The following TLR2 variants were observed in gnomAD, a reference collection of about 807,000 sequenced individuals.
The protein encoded by TLR2 is toll-like receptor 2.
Under a neutral mutation model 9.1 loss-of-function variants are expected in TLR2, and 7 were observed. That is an observed-to-expected ratio of 0.77 (90% CI 0.44 to 1.44). TLR2 has a LOEUF of 1.44. TLR2 is among the 40% of genes most tolerant of loss of function. The pLI is 0.01. For synonymous variants in TLR2, 317 were observed against 344.6 expected (o/e 0.92, Z 0.89); for missense variants, 812 against 904.6 (o/e 0.90, Z 1.31).
intron 2 of TLR2, among the ~76,000 whole-genome samples, chr4:153,691,980 T>C (rs1736153453): frequency 6.6e-6 from 1 of 152,236 alleles, no homozygotes; most frequent in South Asian, 2.1e-4. Context: ...ATTATCCATA[T>C]AATGAATAAT....
At chr4:153,689,041 T>C (rs1310824750) in intron 2 of TLR2, among the ~76,000 whole-genome samples, 1 of 152,238 alleles carries the variant, frequency 6.6e-6, no homozygotes, top group Non-Finnish European at 1.5e-5. Flanking sequence ...AGTGTCTTTA[T>C]CTATTTTAAT....
chr4:153,689,221 G>T (rs943171231), intron 2 of TLR2, among the ~76,000 whole-genome samples: 1 of 152,056 alleles, frequency 6.6e-6, no homozygotes, highest in African/African-American at 2.4e-5. Flanking sequence ...CCTGAATTTG[G>T]TCTTATTTAA....
downstream of TLR2, among the ~76,000 whole-genome samples, chr4:153,706,814 A>G (rs918359989): frequency 6.6e-6 from 1 of 152,204 alleles, no homozygotes; most frequent in Non-Finnish European, 1.5e-5. Context: ...ACATGACCCA[A>G]AAAGTTTTTC....
intron 2 of TLR2, among the ~76,000 whole-genome samples, chr4:153,689,752 G>A (rs775019382): frequency 6.6e-6 from 1 of 152,200 alleles, no homozygotes; most frequent in Non-Finnish European, 1.5e-5. Context: ...CTTGTTGAAG[G>A]AATACTAATG....
chr4:153,703,236 A>G lies in TLR2; in HGVS notation c.329A>G (p.Asn110Ser). Reference protein sequence around the residue: ...GSLEHLDLSYNYLSNLSSSWF... With the variant: ...GSLEHLDLSYSYLSNLSSSWF... ...CTTGAACATTTAGACTTATCCTATA[A>G]TTACTTATCTAATTTATCGTCTTCC... Residue 110 changes from asparagine (N) to serine (S), a missense_variant, in exon 3 of 3, where the codon AAT (asparagine) becomes AGT (serine). By Grantham distance (46) the Asn-to-Ser change is conservative. Transcript: ENST00000642700. The G allele has an allele frequency of 6.2e-7, 1 of 1,614,020 alleles. No individual in the cohort carries two copies. Among genetic ancestry groups the G allele is most frequent in the Non-Finnish European group, 8.5e-7 (1 of 1,179,974 alleles).
intron 2 of TLR2, chr4:153,688,621 G>A (rs892303805): frequency 6.5e-6 from 1 of 153,468 alleles, no homozygotes; most frequent in Admixed American, 6.4e-5. Context: ...AAAGGGATAG[G>A]CTCTGGCTAG....
chr4:153,702,636 T>C, intron 2 of TLR2: 1 of 372,740 alleles, frequency 2.7e-6, no homozygotes, highest in Non-Finnish European at 4.8e-6. Context: ...TAATTCCGGA[T>C]GGTTGTGCTT....
downstream of TLR2, chr4:153,710,157 C>A: frequency 2.3e-6 from 1 of 440,152 alleles, no homozygotes; most frequent in South Asian, 3.5e-5. Context: ...TAAGAAACAG[C>A]TGTAATGGGA....
Position 153,704,964 on chromosome 4 carries a change from T to C in TLR2, c.2057T>C (p.Ile686Thr). The C allele has an allele frequency of 6.2e-7, 1 of 1,613,012 alleles. No individual in the cohort carries two copies. The highest frequency in any genetic ancestry group is 8.5e-7 in the Non-Finnish European group (1 of 1,180,024). ...KRDFIPGKWI[I>T]DNIIDSIEKS... is the part of the protein sequence containing the mutation. ...GACTTCATTCCTGGCAAGTGGATCA[T>C]TGACAATATCATTGACTCCATTGAA... The change falls in exon 3 of 3, where the codon ATT (isoleucine) becomes ACT (threonine). Residue 686 changes from isoleucine to threonine, a missense_variant. By Grantham distance (89) the Ile-to-Thr change is moderately conservative. Transcript: ENST00000642700.
chr4:153,701,993 T>A (rs1276204463), intron 2 of TLR2: 2 of 152,176 alleles, frequency 1.3e-5, no homozygotes, highest in Non-Finnish European at 2.9e-5. Context: ...TTTAAAAAAA[T>A]TTTTGTATAG....
chr4:153,708,419 C>T (rs777214126), downstream of TLR2, among the ~76,000 whole-genome samples: 28 of 152,274 alleles, frequency 1.8e-4, no homozygotes, highest in Middle Eastern at 3.4e-3. Flanking sequence ...TTTTATCTCC[C>T]TACCCCTTGA....
rs550223168 is a variant in TLR2 at position 153,694,445 on chromosome 4, G to T, written c.-17+6398G>T. On this transcript the variant is annotated intron_variant, in intron 2 of 2. Coordinates refer to ENST00000642700, the MANE Select transcript of TLR2 (RefSeq NM_001318789.2). ...TCCCAACAGTGGACAAAGAAGAAAA[G>T]CTGCTTAAGGCAAACAGGCACATAT... Among the ~76,000 whole-genome samples the T allele has an allele frequency of 2.6e-5, 4 of 152,332 alleles. No individual in the cohort carries two copies. The East Asian group carries it at 7.7e-4, about 29-fold the overall frequency.
At chr4:153,692,831 C>G (rs1029293203) in intron 2 of TLR2, among the ~76,000 whole-genome samples, 8 of 152,176 alleles carry the variant, frequency 5.3e-5, no homozygotes, top group Non-Finnish European at 1.0e-4. Flanking sequence ...AGGGCTTTAC[C>G]AACTCCAACT....
In TLR2 at chr4:153,704,133, T is replaced by C. The variant is rs776149642; in HGVS notation, c.1226T>C (p.Leu409Ser). 3.1e-6 allele frequency: 5 copies of C among 1,613,788 alleles called. No homozygotes were observed. The highest frequency in any genetic ancestry group is 4.2e-6 in the Non-Finnish European group (5 of 1,179,944). Reference protein sequence around the residue: ...LASLEKTGETLLTLKNLTNID... With the variant: ...LASLEKTGETSLTLKNLTNID... ...TCATTGGAAAAAACCGGAGAGACTT[T>C]GCTCACTCTGAAAAACTTGACTAAC... Residue 409 changes from leucine (L) to serine (S), a missense_variant, in exon 3 of 3, where the codon TTG (leucine) becomes TCG (serine). Coordinates refer to ENST00000642700, the MANE Select transcript of TLR2 (RefSeq NM_001318789.2).
chr4:153,700,234 G>A (rs549490805), intron 2 of TLR2, among the ~76,000 whole-genome samples: 5 of 152,210 alleles, frequency 3.3e-5, no homozygotes, highest in African/African-American at 1.2e-4. Flanking sequence ...CTTTCCACCA[G>A]GTCCTACCTT....
intron 2 of TLR2, among the ~76,000 whole-genome samples, chr4:153,698,862 C>T (rs1174845379): frequency 6.6e-6 from 1 of 152,098 alleles, no homozygotes; most frequent in Admixed American, 6.5e-5. Context: ...CACTGATATT[C>T]CAAGTGTGAC....
rs532151713 is a variant in TLR2, at chr4:153,695,718, A to G, written c.-16-7174A>G. 1.6e-3 allele frequency among the ~76,000 whole-genome samples: 241 copies of G among 152,270 alleles called. 2 individuals carry two copies. The highest frequency in any genetic ancestry group is 2.8e-3 in the Non-Finnish European group (190 of 67,994). On this transcript the variant is annotated intron_variant, in intron 2 of 2. Transcript: ENST00000642700. ...TTGCTCATTTTTGCTTTGGTTGCCTATGCTTGTGGGGTATGACTTAAGAAA... is the reference window on the plus strand; with the variant it reads ...TTGCTCATTTTTGCTTTGGTTGCCTGTGCTTGTGGGGTATGACTTAAGAAA...
In TLR2 at chr4:153,699,132, T is replaced by C. The variant is rs561218458; in HGVS notation, c.-16-3760T>C. Among the ~76,000 whole-genome samples the C allele has an allele frequency of 2.0e-5, 3 of 152,256 alleles. No homozygotes were observed. In the East Asian group the frequency reaches 5.8e-4, roughly 29 times the overall value. ...GTGGAGCCTTAGATAAATACTACTA[T>C]TGCTTCCCCGTTGATGACCCCTGTA... On this transcript the variant is annotated intron_variant, in intron 2 of 2. Transcript: ENST00000642700.
At chr4:153,693,730 G>T (rs767012957) in intron 2 of TLR2, among the ~76,000 whole-genome samples, 5 of 152,160 alleles carry the variant, frequency 3.3e-5, no homozygotes, top group Non-Finnish European at 5.9e-5. Flanking sequence ...GTGTGAAAAG[G>T]TTCCAAGGTG....
Sources: allele counts gnomAD v4.1 joint callset (sites outside exome capture counted in the v4.1 genomes callset), GRCh38; gene constraint gnomAD v4.1.1; transcripts MANE v1.5; gene names NCBI Gene and HGNC (gene_info 2026-07-23, HGNC 2026-07-21).